The following NBEAL1 variants were observed in gnomAD, a reference collection of about 807,000 sequenced individuals.
NBEAL1 encodes the protein neurobeachin-like protein 1.
In NBEAL1, 273 loss-of-function variants were observed where a neutral mutation model predicts 351.3. The observed-to-expected ratio is 0.78, with a 90% confidence interval of 0.70 to 0.86. The LOEUF (loss-of-function observed/expected upper bound fraction) is 0.86. NBEAL1 is among the 40% of genes least tolerant of loss of function. NBEAL1 has a pLI of 0.00. For missense variants in NBEAL1, 2,961 were observed against 3,201.3 expected, an observed-to-expected ratio of 0.92 and a Z score of 1.81; for synonymous variants, 1,050 against 1,086.4, an observed-to-expected ratio of 0.97 and a Z score of 0.66.
At chr2:203,050,937 C>T (rs983490060) in intron 4 of NBEAL1, among the ~76,000 whole-genome samples, 1 of 152,172 alleles carries the variant, frequency 6.6e-6, no homozygotes, top group Non-Finnish European at 1.5e-5. Context: ...CTCTTGAAAC[C>T]TATCTTCATT....
intron 42 of NBEAL1, among the ~76,000 whole-genome samples, chr2:203,179,244 A>G (rs908004076): frequency 6.6e-6 from 1 of 152,220 alleles, no homozygotes; most frequent in Non-Finnish European, 1.5e-5. Context: ...GCATAATACA[A>G]TTGCAGCATA....
chr2:203,046,944 G>A (rs906072191), intron 3 of NBEAL1, among the ~76,000 whole-genome samples: 2 of 152,174 alleles, frequency 1.3e-5, no homozygotes, highest in Non-Finnish European at 2.9e-5. Context: ...GGAGGCCGAG[G>A]CGGGCAGATC....
chr2:203,151,663 A>G, intron 35 of NBEAL1, 74 bp downstream of exon 35: 4 of 1,371,698 alleles, frequency 2.9e-6, no homozygotes, highest in Non-Finnish European at 3.9e-6. Context: ...TTGTTATTTT[A>G]TTGTTTTAAA....
intron 5 of NBEAL1, 35 bp downstream of exon 5, chr2:203,056,543 G>C: frequency 8.3e-7 from 1 of 1,207,166 alleles, no homozygotes; most frequent in Non-Finnish European, 1.2e-6. Flanking sequence ...TCACTTTACT[G>C]AGAACAACTA....
intron 2 of NBEAL1, among the ~76,000 whole-genome samples, chr2:203,038,061 A>G (rs1023312668): frequency 3.3e-5 from 5 of 149,424 alleles, no homozygotes; most frequent in Admixed American, 2.7e-4. Flanking sequence ...TTTTTTTGTC[A>G]TTGTAAGTAT....
At chr2:203,083,980 G>GTGTA (rs1444400759) in intron 9 of NBEAL1, among the ~76,000 whole-genome samples, 1 of 136,678 alleles carries the variant, frequency 7.3e-6, no homozygotes, top group Non-Finnish European at 1.6e-5. Flanking sequence ...CAGAGCCTGT[G>GTGTA]TGTGTGTGTG....
chr2:203,163,634 C>T (rs921776479), intron 36 of NBEAL1, among the ~76,000 whole-genome samples: 7 of 152,180 alleles, frequency 4.6e-5, no homozygotes, highest in Middle Eastern at 3.4e-3. Context: ...TTAATTTTAC[C>T]GGTTCCAGAA....
In NBEAL1 at chr2:203,222,178, C is replaced by A. The variant is rs1281755304; in HGVS notation, c.*4824C>A. ...CTTCAGCCTAGGTGGCAGAGTTAGA[C>A]CCTGTCTCCAAAAATACATTTTTTT... On this transcript the variant is annotated 3_prime_UTR_variant, in exon 56 of 56. Coordinates refer to ENST00000683969, the MANE Select transcript of NBEAL1 (RefSeq NM_001378026.1). 6.6e-6 allele frequency among the ~76,000 whole-genome samples: 1 copy of A among 152,162 alleles called. No homozygotes were observed. Among genetic ancestry groups the A allele is most frequent in the Non-Finnish European group, 1.5e-5 (1 of 68,036 alleles).
intron 51 of NBEAL1, among the ~76,000 whole-genome samples, chr2:203,204,359 C>T (rs1450321027): frequency 8.0e-6 from 1 of 125,510 alleles, no homozygotes; most frequent in Non-Finnish European, 1.6e-5. Flanking sequence ...GGGTCTCAGT[C>T]TGTCGTCCAT....
Position 203,130,436 on chromosome 2 carries a change from A to G in NBEAL1, c.3524A>G (p.Asn1175Ser). 1 of 1,483,082 alleles carries G rather than the reference A, an allele frequency of 6.7e-7. No homozygotes were observed. Among genetic ancestry groups the G allele is most frequent in the Non-Finnish European group, 8.9e-7 (1 of 1,123,214 alleles). The allele number at this position is 1,483,082 out of a possible 1,614,324, so 91.9% of individuals were successfully genotyped here. Residue 1175 changes from asparagine to serine, a missense_variant, in exon 25 of 56, where the codon AAT (asparagine) becomes AGT (serine). By Grantham distance (46) the Asn-to-Ser change is conservative. Coordinates refer to ENST00000683969, the MANE Select transcript of NBEAL1 (RefSeq NM_001378026.1). ...NADILYALLLNQKYSDRLREI... is the reference protein window; with the variant it reads ...NADILYALLLSQKYSDRLREI... The stretch of plus-strand genomic sequence containing the variant: ...GACATACTGTACGCATTGCTCTTAA[A>G]TCAGAAGTACTCTGACAGACTAAGA...
chr2:203,217,680 T>G lies in NBEAL1; in HGVS notation c.*326T>G. 1.0e-6 allele frequency: 1 copy of G among 964,226 alleles called. No individual in the cohort carries two copies. The highest frequency in any genetic ancestry group is 4.7e-5 in the South Asian group (1 of 21,060). 59.7% of individuals were successfully genotyped at this position (964,226 alleles called of 1,614,324 possible). A position where few individuals can be genotyped will look rare whatever the true frequency, so the allele number is the denominator to read the frequency against. On this transcript the variant is annotated 3_prime_UTR_variant, in exon 56 of 56. Coordinates refer to ENST00000683969, the MANE Select transcript of NBEAL1 (RefSeq NM_001378026.1). ...GATTTTTCTAATAAAAGAGTACAGATAATGGGACAGTTGAGAGAGATGGCT... is the reference window on the plus strand; with the variant it reads ...GATTTTTCTAATAAAAGAGTACAGAGAATGGGACAGTTGAGAGAGATGGCT...
At chr2:203,140,590 G>A (rs1255425068) in intron 31 of NBEAL1, among the ~76,000 whole-genome samples, 6 of 151,666 alleles carry the variant, frequency 4.0e-5, no homozygotes, top group Non-Finnish European at 8.8e-5. Context: ...AGCTAAACAA[G>A]TATATGGGCA....
intron 10 of NBEAL1, chr2:203,084,780 T>C (rs1026640298): frequency 2.7e-6 from 1 of 374,806 alleles, no homozygotes; most frequent in African/African-American, 2.1e-5. Context: ...GGAATTTCTT[T>C]GTATGGGAAG....
chr2:203,083,111 C>A, intron 8 of NBEAL1, 108 bp from the exon 9 acceptor site: 1 of 963,862 alleles, frequency 1.0e-6, no homozygotes, highest in Non-Finnish European at 1.5e-6. Context: ...ATTTTTATGT[C>A]TTTATTAAAA....
Position 203,222,126 on chromosome 2 carries a change from G to T in NBEAL1, c.*4772G>T, listed in dbSNP as rs1233407237. Among the ~76,000 whole-genome samples, 1 of 152,240 alleles carries T rather than the reference G, an allele frequency of 6.6e-6. No individual in the cohort carries two copies. Among genetic ancestry groups the T allele is most frequent in the Non-Finnish European group, 1.5e-5 (1 of 68,040 alleles). On this transcript the variant is annotated 3_prime_UTR_variant, in exon 56 of 56. Transcript: ENST00000683969. The stretch of plus-strand genomic sequence containing the variant: ...TTGCTTGAGCCTAGAGATCAAGGCT[G>T]CAGTAAGCTGTGATTGCACCACTGC...
intron 11 of NBEAL1, among the ~76,000 whole-genome samples, chr2:203,098,570 G>GT (rs1453214318): frequency 1.3e-5 from 2 of 152,052 alleles, no homozygotes; most frequent in Non-Finnish European, 2.9e-5. Context: ...GTCATGTTCA[G>GT]TTTTTTAATA....
chr2:203,137,571 T>C (rs1161540912), intron 29 of NBEAL1, among the ~76,000 whole-genome samples: 4 of 152,250 alleles, frequency 2.6e-5, no homozygotes, highest in Non-Finnish European at 4.4e-5. Flanking sequence ...AAGGATGGAA[T>C]ATGAATTATT....
Position 203,217,445 on chromosome 2 carries a change from A to C in NBEAL1, c.*91A>C, listed in dbSNP as rs991941007. 7.3e-7 allele frequency: 1 copy of C among 1,369,056 alleles called. No homozygotes were observed. The highest frequency in any genetic ancestry group is 9.5e-7 in the Non-Finnish European group (1 of 1,054,480). The allele number at this position is 1,369,056 out of a possible 1,614,324, so 84.8% of individuals were successfully genotyped here. Reference sequence around the variant, plus strand: ...TCTCTCAACTCTCTGCAATGTTGCAAGGCTTTTATCCCTGAAAATCATTTA... The same window carrying C: ...TCTCTCAACTCTCTGCAATGTTGCACGGCTTTTATCCCTGAAAATCATTTA... On this transcript the variant is annotated 3_prime_UTR_variant, in exon 56 of 56. Coordinates refer to ENST00000683969, the MANE Select transcript of NBEAL1 (RefSeq NM_001378026.1).
Position 203,083,268 on chromosome 2 carries a change from G to A in NBEAL1, c.734G>A (p.Arg245Gln), listed in dbSNP as rs1428498219. Residue 245 changes from arginine to glutamine, a missense_variant, in exon 9 of 56, where the codon CGA becomes CAA. Transcript: ENST00000683969. ...ISPATMEVLMRVLADCDSWED... is the reference protein window; with the variant it reads ...ISPATMEVLMQVLADCDSWED... ...CCAGCCACTATGGAAGTTCTTATGC[G>A]AGTATTGGCAGATTGTGATTCCTGG... 8 of 1,552,240 alleles carry A rather than the reference G, an allele frequency of 5.2e-6. No individual in the cohort carries two copies. Among genetic ancestry groups the A allele is most frequent in the South Asian group, 4.8e-5 (4 of 84,082 alleles).
Sources: allele counts gnomAD v4.1 joint callset (sites outside exome capture counted in the v4.1 genomes callset), GRCh38; gene constraint gnomAD v4.1.1; transcripts MANE v1.5; gene names NCBI Gene and HGNC (gene_info 2026-07-23, HGNC 2026-07-21).